JARID2: variants seen among roughly 807,000 people sequenced by gnomAD.
The protein encoded by JARID2 is protein Jumonji.
In JARID2, 21 loss-of-function variants were observed where a neutral mutation model predicts 125.6. The observed-to-expected ratio is 0.17, with a 90% CI of 0.12 to 0.24. JARID2 has a LOEUF of 0.24. Ranked by LOEUF, JARID2 falls within the 10% of genes least tolerant of loss-of-function variation. The pLI, the probability that JARID2 is intolerant of heterozygous loss-of-function variation, is 1.00. For missense variants in JARID2, 1,303 were observed against 1,639.6 expected (o/e 0.79, Z 3.55); for synonymous variants, 736 against 661.6 (o/e 1.11, Z -1.73).
At chr6:15,390,541 C>T (rs1288690847) in intron 2 of JARID2, among the ~76,000 whole-genome samples, 5 of 152,154 alleles carry the variant, frequency 3.3e-5, no homozygotes, top group African/African-American at 9.7e-5. Context: ...GTTGACATCC[C>T]TGCTGGCCGA....
At chr6:15,416,493 C>G (rs1253465525) in intron 3 of JARID2, among the ~76,000 whole-genome samples, 1 of 152,138 alleles carries the variant, frequency 6.6e-6, no homozygotes, top group Non-Finnish European at 1.5e-5. Flanking sequence ...GGAGACCAGC[C>G]CGGCCAACAC....
At chr6:15,420,168 G>T (rs939823648) in intron 3 of JARID2, among the ~76,000 whole-genome samples, 4 of 152,206 alleles carry the variant, frequency 2.6e-5, no homozygotes, top group Non-Finnish European at 5.9e-5. Flanking sequence ...ACTTCGGGAG[G>T]CCGAGGCGGG....
chr6:15,474,193 A>G (rs1054223136), intron 5 of JARID2, among the ~76,000 whole-genome samples: 7 of 152,244 alleles, frequency 4.6e-5, no homozygotes, highest in East Asian at 1.9e-4. Context: ...TGAAGTTACT[A>G]TTTTCAACAG....
chr6:15,397,093 G>A (rs1240787513), intron 2 of JARID2, among the ~76,000 whole-genome samples: 10 of 152,128 alleles, frequency 6.6e-5, no homozygotes, highest in Non-Finnish European at 1.5e-5. Flanking sequence ...ATTCTGGTTG[G>A]TATAGTGCCA....
intron 16 of JARID2, among the ~76,000 whole-genome samples, chr6:15,513,735 A>G (rs1771396216): frequency 6.6e-6 from 1 of 152,128 alleles, no homozygotes; most frequent in South Asian, 2.1e-4. Flanking sequence ...TCCAGCCCCC[A>G]CGCACTCTGC....
intron 6 of JARID2, among the ~76,000 whole-genome samples, chr6:15,490,833 C>A (rs1770116141): frequency 6.6e-6 from 1 of 152,176 alleles, no homozygotes. Context: ...GAGTCATGAG[C>A]AGGTTTTGTA....
intron 1 of JARID2, among the ~76,000 whole-genome samples, chr6:15,266,536 G>T (rs528704240): frequency 6.6e-6 from 1 of 152,190 alleles, no homozygotes; most frequent in African/African-American, 2.4e-5. Flanking sequence ...GCCTAGCAGC[G>T]CTTGGTTGCA....
At chr6:15,262,622 T>G (rs1041730960) in intron 1 of JARID2, among the ~76,000 whole-genome samples, 16 of 150,880 alleles carry the variant, frequency 1.1e-4, no homozygotes, top group Non-Finnish European at 1.8e-4. Context: ...AACCTCCACT[T>G]CCGGGTCCCT....
At chr6:15,292,347 C>CT (rs1761258734) in intron 1 of JARID2, among the ~76,000 whole-genome samples, 1 of 151,998 alleles carries the variant, frequency 6.6e-6, no homozygotes, top group Non-Finnish European at 1.5e-5. Flanking sequence ...TTTCTGTGTC[C>CT]TTTTTTTCCA....
chr6:15,415,517 G>C (rs1401775513), intron 3 of JARID2, among the ~76,000 whole-genome samples: 11 of 136,356 alleles, frequency 8.1e-5, no homozygotes, highest in African/African-American at 3.2e-4. Context: ...AGTAGGGGCT[G>C]CCGGGCAGAG....
intron 11 of JARID2, among the ~76,000 whole-genome samples, chr6:15,507,667 T>C (rs558254995): frequency 6.6e-6 from 1 of 152,278 alleles, no homozygotes; most frequent in African/African-American, 2.4e-5. Context: ...GGGGCCAACT[T>C]TGAACCTTGA....
chr6:15,459,700 G>A (rs116730794), intron 4 of JARID2, among the ~76,000 whole-genome samples: 314 of 152,330 alleles, frequency 2.1e-3, no homozygotes, highest in African/African-American at 6.7e-3. Context: ...TTTTTCTAAA[G>A]AGCGTTGCTG....
intron 1 of JARID2, among the ~76,000 whole-genome samples, chr6:15,296,751 C>T (rs1004189261): frequency 5.3e-5 from 8 of 152,242 alleles, no homozygotes; most frequent in African/African-American, 1.9e-4. Flanking sequence ...CCATCGTCCT[C>T]TGAGCTCTTA....
chr6:15,487,003 C>A (rs138721318), intron 5 of JARID2, among the ~76,000 whole-genome samples: 1 of 152,010 alleles, frequency 6.6e-6, no homozygotes, highest in Non-Finnish European at 1.5e-5. Context: ...AGGAAACTTA[C>A]AATCATTGTG....
At chr6:15,403,031 T>A (rs1213282709) in intron 2 of JARID2, among the ~76,000 whole-genome samples, 1 of 152,126 alleles carries the variant, frequency 6.6e-6, no homozygotes, top group African/African-American at 2.4e-5. Context: ...ACTGTACTTG[T>A]TCTGATTGTT....
intron 1 of JARID2, among the ~76,000 whole-genome samples, chr6:15,350,975 C>G (rs1763409787): frequency 6.6e-6 from 1 of 151,216 alleles, no homozygotes; most frequent in Non-Finnish European, 1.5e-5. Flanking sequence ...CTGCCACATC[C>G]TTGTACTGAA....
chr6:15,302,909 A>G (rs1174660326), intron 1 of JARID2, among the ~76,000 whole-genome samples: 1 of 151,676 alleles, frequency 6.6e-6, no homozygotes, highest in African/African-American at 2.4e-5. Context: ...TAATTTTTGT[A>G]TTTTTTAGTA....
At chr6:15,412,888 T>G (rs1042215091) in intron 3 of JARID2, among the ~76,000 whole-genome samples, 1 of 152,206 alleles carries the variant, frequency 6.6e-6, no homozygotes, top group African/African-American at 2.4e-5. Flanking sequence ...GAGCCTAAAG[T>G]AACTACCTAT....
intron 4 of JARID2, among the ~76,000 whole-genome samples, chr6:15,456,620 T>G (rs1419123008): frequency 6.6e-6 from 1 of 152,162 alleles, no homozygotes; most frequent in East Asian, 1.9e-4. Flanking sequence ...TAAGTGTGTT[T>G]ACCTGATCTG....
Sources: gnomAD v4.1 joint callset for allele counts (sites outside exome capture counted in the v4.1 genomes callset) on GRCh38, gnomAD v4.1.1 for gene constraint, MANE v1.5 for transcripts, NCBI Gene and HGNC (gene_info 2026-07-23, HGNC 2026-07-21) for gene names.